Variants in C1GALT1 observed in about 807,000 individuals in gnomAD.
C1GALT1 encodes the protein glycoprotein-N-acetylgalactosamine 3-beta-galactosyltransferase 1.
Under a neutral mutation model 31.0 loss-of-function variants are expected in C1GALT1, and 11 were observed. The observed-to-expected ratio is 0.36, with a 90% CI of 0.22 to 0.59. The LOEUF (loss-of-function observed/expected upper bound fraction) is 0.59. C1GALT1 is among the 20% of genes least tolerant of loss of function. The pLI is 0.79. For synonymous variants in C1GALT1, 175 were observed against 143.6 expected, an observed-to-expected ratio of 1.22 and a Z score of -1.56; for missense variants, 424 against 425.2, an observed-to-expected ratio of 1.00 and a Z score of 0.03.
chr7:7,179,626 T>C (rs1780547229), upstream of C1GALT1, among the ~76,000 whole-genome samples: 1 of 152,182 alleles, frequency 6.6e-6, no homozygotes, highest in African/African-American at 2.4e-5. Flanking sequence ...AAGAATTGCA[T>C]TTGATACTTA....
chr7:7,209,516 CAGG>C (rs1781896353), intron 1 of C1GALT1: 1 of 152,210 alleles, frequency 6.6e-6, no homozygotes, highest in Non-Finnish European at 1.5e-5. Context: ...AGTATAGAAA[CAGG>C]AGCATGATGC....
chr7:7,244,688 ATCCTG>A lies in C1GALT1; in HGVS notation c.*963_*967del, dbSNP rs1368413486. The A allele has an allele frequency of 2.0e-5, 3 of 152,138 alleles. No homozygotes were observed. Among genetic ancestry groups the A allele is most frequent in the Non-Finnish European group, 4.4e-5 (3 of 67,996 alleles). 9.4% of individuals were successfully genotyped at this position (152,138 alleles called of 1,614,324 possible). ...CATAGTTATGGTTTATTTCATTCTC[ATCCTG>A]TTGGGATGAGAACTTGTTTGTGCCT... is the stretch of plus-strand genomic sequence containing the variant. On this transcript the variant is annotated 3_prime_UTR_variant, in exon 4 of 4. Transcript: ENST00000436587.
intron 1 of C1GALT1, among the ~76,000 whole-genome samples, chr7:7,229,163 A>G (rs12539501): frequency 0.17 from 26,596 of 152,164 alleles, 3,018 homozygotes; most frequent in Admixed American, 0.33. Context: ...TTTCTTCTCC[A>G]GTGCCAGGAG....
intron 2 of C1GALT1, chr7:7,234,990 A>T (rs992022773): frequency 3.3e-5 from 5 of 153,212 alleles, no homozygotes; most frequent in African/African-American, 1.2e-4. Flanking sequence ...CACAAAGAAC[A>T]AGGAAGTTAA....
intron 2 of C1GALT1, among the ~76,000 whole-genome samples, chr7:7,166,579 G>A (rs1487983582): frequency 1.3e-5 from 2 of 151,976 alleles, no homozygotes; most frequent in East Asian, 3.9e-4. Context: ...TAGTTTCATG[G>A]GTGTATACAT....
At chr7:7,163,039 T>C (rs1187979098) in intron 2 of C1GALT1, among the ~76,000 whole-genome samples, 1 of 152,172 alleles carries the variant, frequency 6.6e-6, no homozygotes, top group Admixed American at 6.6e-5. Context: ...GAGTAGGTTG[T>C]GAAAATTTTC....
chr7:7,169,332 T>C (rs1441792615), intron 2 of C1GALT1, among the ~76,000 whole-genome samples: 1 of 152,204 alleles, frequency 6.6e-6, no homozygotes, highest in Non-Finnish European at 1.5e-5. Context: ...TGTACAAATA[T>C]CTCTTGAGTC....
At chr7:7,195,352 G>A (rs573478953) in intron 1 of C1GALT1, among the ~76,000 whole-genome samples, 44 of 152,252 alleles carry the variant, frequency 2.9e-4, no homozygotes, top group Middle Eastern at 3.4e-3. Context: ...CTTTATCCCA[G>A]AGGTTTTGAT....
chr7:7,157,799 G>A (rs1323119916), intron 2 of C1GALT1, among the ~76,000 whole-genome samples: 1 of 152,090 alleles, frequency 6.6e-6, no homozygotes, highest in East Asian at 1.9e-4. Context: ...GCCTCAGTAA[G>A]GGTATGTACA....
chr7:7,207,335 CT>C (rs57510429), intron 1 of C1GALT1, among the ~76,000 whole-genome samples: 8 of 48,006 alleles, frequency 1.7e-4, no homozygotes, highest in African/African-American at 5.6e-4. Flanking sequence ...TACTCTGTTG[CT>C]TTTTTTTTTT....
At chr7:7,198,716 G>A (rs1182608759) in intron 1 of C1GALT1, among the ~76,000 whole-genome samples, 1 of 152,140 alleles carries the variant, frequency 6.6e-6, no homozygotes, top group African/African-American at 2.4e-5. Flanking sequence ...TTCAGAACCT[G>A]TTATTGGTCT....
At chr7:7,219,891 C>T (rs534531615) in intron 1 of C1GALT1, among the ~76,000 whole-genome samples, 93 of 152,068 alleles carry the variant, frequency 6.1e-4, no homozygotes, top group African/African-American at 2.1e-3. Flanking sequence ...AATATGTTTT[C>T]ATAATAAAAT....
chr7:7,187,313 G>A (rs6651061), intron 1 of C1GALT1, among the ~76,000 whole-genome samples: 40,884 of 150,972 alleles, frequency 0.27, 5,939 homozygotes, highest in East Asian at 0.42. Flanking sequence ...GCAGTGGCGC[G>A]ATCTCAGCTC....
intron 2 of C1GALT1, among the ~76,000 whole-genome samples, chr7:7,162,346 A>G (rs1221671650): frequency 2.2e-5 from 3 of 138,392 alleles, no homozygotes; most frequent in African/African-American, 8.1e-5. Context: ...ATTCCCATCT[A>G]TGAGTGAGAA....
intron 1 of C1GALT1, among the ~76,000 whole-genome samples, chr7:7,188,317 A>G (rs758909728): frequency 3.5e-4 from 53 of 152,182 alleles, no homozygotes; most frequent in Non-Finnish European, 6.2e-4. Flanking sequence ...GAGCAGAGGA[A>G]AGTAATGAGT....
upstream of C1GALT1, among the ~76,000 whole-genome samples, chr7:7,180,025 T>C (rs1446166972): frequency 6.6e-6 from 1 of 152,230 alleles, no homozygotes; most frequent in African/African-American, 2.4e-5. Context: ...TATTTTTAAC[T>C]GGCCACATTG....
At chr7:7,240,498 C>T (rs1353596897) in intron 3 of C1GALT1, among the ~76,000 whole-genome samples, 1 of 152,032 alleles carries the variant, frequency 6.6e-6, no homozygotes, top group Non-Finnish European at 1.5e-5. Flanking sequence ...ATGACTTGAT[C>T]TTTTTTCCTT....
chr7:7,182,123 A>T (rs1780606438), upstream of C1GALT1, among the ~76,000 whole-genome samples: 1 of 152,160 alleles, frequency 6.6e-6, no homozygotes, highest in Admixed American at 6.5e-5. Flanking sequence ...TTAAGCCCAG[A>T]GAGATACTGA....
chr7:7,169,048 C>T (rs1780425900), intron 2 of C1GALT1, among the ~76,000 whole-genome samples: 1 of 152,154 alleles, frequency 6.6e-6, no homozygotes, highest in Admixed American at 6.6e-5. Flanking sequence ...CCACCTTTAA[C>T]CTATTTTCTG....
Sources: gnomAD v4.1 joint callset for allele counts (sites outside exome capture counted in the v4.1 genomes callset) on GRCh38, gnomAD v4.1.1 for gene constraint, MANE v1.5 for transcripts, NCBI Gene and HGNC (gene_info 2026-07-23, HGNC 2026-07-21) for gene names.